Variants in PRKAR1A observed in about 807,000 individuals in gnomAD.
PRKAR1A encodes the protein protein kinase cAMP-dependent type I regulatory subunit alpha.
In PRKAR1A, 3 loss-of-function variants were observed where a neutral mutation model predicts 52.0. The observed-to-expected ratio is 0.06, with a 90% CI of 0.03 to 0.15. PRKAR1A has a LOEUF of 0.15. Among genes scored for constraint, PRKAR1A ranks in the 10% least tolerant of loss-of-function variants. The pLI is 1.00. For synonymous variants in PRKAR1A, 188 were observed against 168.4 expected (o/e 1.12, Z -0.90); for missense variants, 240 against 477.4 (o/e 0.50, Z 4.63).
chr17:68,535,387 G>A (rs2086071263), downstream of PRKAR1A: 3 of 454,014 alleles, frequency 6.6e-6, no homozygotes, highest in African/African-American at 6.0e-5. Flanking sequence ...CCAGTCCTTC[G>A]TTATAGGAGG....
In PRKAR1A at chr17:68,531,807, A is replaced by G; in HGVS notation, c.*1358A>G. The stretch of plus-strand genomic sequence containing the variant: ...TTACATTATTCCAATGATACCCAAC[A>G]GTTTATTTTTATTATTTTTTTAAAC... On this transcript the variant is annotated 3_prime_UTR_variant, in exon 11 of 11. Transcript: ENST00000589228. The G allele has an allele frequency of 9.7e-7, 1 of 1,032,810 alleles. No individual in the cohort carries two copies. Among genetic ancestry groups the G allele is most frequent in the Non-Finnish European group, 1.2e-6 (1 of 849,360 alleles). 64.0% of individuals were successfully genotyped at this position (1,032,810 alleles called of 1,614,324 possible).
chr17:68,427,382 G>T, the PRKAR1A span: 1 of 708,924 alleles, frequency 1.4e-6, no homozygotes, highest in Non-Finnish European at 2.3e-6. Context: ...TTTGAGGCAG[G>T]GTCTTGCTCT....
chr17:68,535,051 C>T (rs1391730512), downstream of PRKAR1A: 2 of 320,292 alleles, frequency 6.2e-6, no homozygotes, highest in Non-Finnish European at 1.2e-5. Context: ...TTCCAAATGC[C>T]TCTTTCCATC....
At chr17:68,433,360 A>G in the PRKAR1A span, 3 of 1,057,552 alleles carry the variant, frequency 2.8e-6, no homozygotes, top group Non-Finnish European at 4.3e-6. Context: ...TCCCAAGTGA[A>G]GCCAAGATTG....
the PRKAR1A span, among the ~76,000 whole-genome samples, chr17:68,478,148 A>G: frequency 6.6e-6 from 1 of 152,170 alleles, no homozygotes; most frequent in African/African-American, 2.4e-5. Flanking sequence ...GGAATGTAAT[A>G]TTTTGTTTAA....
chr17:68,471,374 A>G, the PRKAR1A span, among the ~76,000 whole-genome samples: 1 of 152,170 alleles, frequency 6.6e-6, no homozygotes, highest in East Asian at 1.9e-4. Flanking sequence ...TGCTTTTGTG[A>G]ATTCAGTAGA....
At position 68,524,092 on chromosome 17, in the gene PRKAR1A, A is replaced by T; in HGVS notation, c.502+15A>T. The T allele has an allele frequency of 6.2e-7, 1 of 1,613,104 alleles. No homozygotes were observed. Among genetic ancestry groups the T allele is most frequent in the Non-Finnish European group, 8.5e-7 (1 of 1,179,264 alleles). On this transcript the variant is annotated intron_variant, in intron 5 of 10. Coordinates refer to ENST00000589228, the MANE Select transcript of PRKAR1A (RefSeq NM_002734.5). ...GATTCAGCAAGGTAAGGGCCTCTGG[A>T]GCATGCAATATTGTTACGGGAGAGG... is the stretch of plus-strand genomic sequence containing the variant.
the PRKAR1A span, chr17:68,444,701 A>G: frequency 1.2e-6 from 1 of 817,174 alleles, no homozygotes; most frequent in African/African-American, 1.7e-5. Context: ...AGCCTAAAGC[A>G]GAATTTTGAT....
At chr17:68,519,059 G>A (rs573026326) in intron 2 of PRKAR1A, among the ~76,000 whole-genome samples, 7 of 152,218 alleles carry the variant, frequency 4.6e-5, no homozygotes, top group East Asian at 1.9e-4. Context: ...GGTCAAAGCC[G>A]TACAAGAAAT....
At chr17:68,468,975 G>C in the PRKAR1A span, among the ~76,000 whole-genome samples, 1 of 152,160 alleles carries the variant, frequency 6.6e-6, no homozygotes, top group Non-Finnish European at 1.5e-5. Flanking sequence ...GGTGACCCTT[G>C]TCTGACCTTA....
At chr17:68,475,640 T>C in the PRKAR1A span, among the ~76,000 whole-genome samples, 1 of 152,118 alleles carries the variant, frequency 6.6e-6, no homozygotes, top group African/African-American at 2.4e-5. Context: ...ATTTTTGTAT[T>C]TTTAGTAGAG....
At chr17:68,457,733 C>G in the PRKAR1A span, among the ~76,000 whole-genome samples, 3 of 152,200 alleles carry the variant, frequency 2.0e-5, no homozygotes, top group South Asian at 4.1e-4. Context: ...GGCACCGCCC[C>G]CCTTGGCCAA....
chr17:68,510,159 CAGAG>C (rs35144524), upstream of PRKAR1A, among the ~76,000 whole-genome samples: 865 of 127,540 alleles, frequency 6.8e-3, 5 homozygotes, highest in Middle Eastern at 0.017. Flanking sequence ...TATATGTAGA[CAGAG>C]AGAGAGAGAG....
the PRKAR1A span, among the ~76,000 whole-genome samples, chr17:68,504,265 G>A: frequency 1.3e-5 from 2 of 151,532 alleles, no homozygotes; most frequent in African/African-American, 4.9e-5. Flanking sequence ...AGGAGTTTGA[G>A]ACCAGCCTGA....
chr17:68,456,556 A>C, the PRKAR1A span, among the ~76,000 whole-genome samples: 1 of 152,348 alleles, frequency 6.6e-6, no homozygotes, highest in East Asian at 1.9e-4. Context: ...CCTGAAACAC[A>C]CTTCAGCCCA....
At chr17:68,474,846 A>G in the PRKAR1A span, among the ~76,000 whole-genome samples, 1 of 152,128 alleles carries the variant, frequency 6.6e-6, no homozygotes, top group African/African-American at 2.4e-5. Flanking sequence ...GCGCCACTGC[A>G]CTCCAGCCTG....
chr17:68,478,626 G>GTGTA, the PRKAR1A span, among the ~76,000 whole-genome samples: 1 of 151,792 alleles, frequency 6.6e-6, no homozygotes, highest in Non-Finnish European at 1.5e-5. Context: ...GTGTGTGTGT[G>GTGTA]TATCTGAATG....
At chr17:68,438,704 G>A in the PRKAR1A span, among the ~76,000 whole-genome samples, 2 of 152,196 alleles carry the variant, frequency 1.3e-5, no homozygotes, top group African/African-American at 2.4e-5. Context: ...TGGTTCAAGC[G>A]ATTCTCCTGT....
the PRKAR1A span, among the ~76,000 whole-genome samples, chr17:68,438,656 A>G: frequency 6.6e-6 from 1 of 152,244 alleles, no homozygotes; most frequent in Non-Finnish European, 1.5e-5. Context: ...GCTGCAGTGC[A>G]GTGGTGCGAT....
Sources: gnomAD v4.1 joint callset for allele counts (sites outside exome capture counted in the v4.1 genomes callset) on GRCh38, gnomAD v4.1.1 for gene constraint, MANE v1.5 for transcripts, NCBI Gene and HGNC (gene_info 2026-07-23, HGNC 2026-07-21) for gene names.